Variants in SWT1 observed in about 807,000 individuals in gnomAD.
SWT1 encodes the protein SWT1 RNA endoribonuclease homolog.
In SWT1, 33 loss-of-function variants were observed where a neutral mutation model predicts 107.3. The ratio of observed to expected loss-of-function variants is 0.31; its 90% CI spans 0.23 to 0.41. SWT1 has a LOEUF of 0.41. Ranked by LOEUF, SWT1 falls within the 10% of genes least tolerant of loss-of-function variation. The probability of loss-of-function intolerance (pLI) is 1.00; values close to 1 mark genes in which losing one functional copy is unlikely to be tolerated. For synonymous variants in SWT1, 345 were observed against 348.3 expected (o/e 0.99, Z 0.11); for missense variants, 898 against 1,028.9 (o/e 0.87, Z 1.74).
At chr1:185,186,976 C>T (rs1300373358) in intron 9 of SWT1, among the ~76,000 whole-genome samples, 1 of 148,066 alleles carries the variant, frequency 6.8e-6, no homozygotes, top group African/African-American at 2.5e-5. Context: ...GCTGGTCTCT[C>T]ACTCCTGACC....
intron 13 of SWT1, among the ~76,000 whole-genome samples, chr1:185,211,071 T>C (rs981241895): frequency 5.3e-5 from 8 of 152,216 alleles, no homozygotes; most frequent in African/African-American, 1.9e-4. Flanking sequence ...AAACATTCCA[T>C]GCTCATGGAT....
At chr1:185,266,153 T>G (rs1373680178) in intron 16 of SWT1, among the ~76,000 whole-genome samples, 2 of 152,232 alleles carry the variant, frequency 1.3e-5, no homozygotes, top group Non-Finnish European at 2.9e-5. Context: ...AAGCTCCGCC[T>G]GCCGGGTTCA....
At chr1:185,202,543 T>A in intron 10 of SWT1, 111 bp from the exon 11 acceptor site, 1 of 856,410 alleles carries the variant, frequency 1.2e-6, no homozygotes. Flanking sequence ...TTTCTTAAGG[T>A]ATAGGCTGAG....
At chr1:185,206,809 G>C in intron 13 of SWT1, 46 bp downstream of exon 13, 1 of 1,322,784 alleles carries the variant, frequency 7.6e-7, no homozygotes, top group Non-Finnish European at 1.0e-6. Flanking sequence ...TATTAAGTCA[G>C]ACTAGCAGAT....
intron 3 of SWT1, among the ~76,000 whole-genome samples, chr1:185,167,789 T>C (rs977750041): frequency 6.6e-6 from 1 of 152,210 alleles, no homozygotes; most frequent in Non-Finnish European, 1.5e-5. Flanking sequence ...ATGCCTTCTT[T>C]TACTCGTCTT....
At chr1:185,233,978 T>C (rs1660683616) in intron 16 of SWT1, among the ~76,000 whole-genome samples, 1 of 152,112 alleles carries the variant, frequency 6.6e-6, no homozygotes, top group Non-Finnish European at 1.5e-5. Flanking sequence ...TCTCCTGACC[T>C]CATGATCCAC....
chr1:185,243,440 T>C (rs931809160), intron 16 of SWT1, among the ~76,000 whole-genome samples: 1 of 152,164 alleles, frequency 6.6e-6, no homozygotes, highest in Non-Finnish European at 1.5e-5. Flanking sequence ...TTGAGAAATA[T>C]ATTCTTGTGC....
At position 185,174,962 on chromosome 1, in the gene SWT1, G is replaced by A. The variant is rs999847734; in HGVS notation, c.815G>A (p.Ser272Asn). 6.2e-7 allele frequency: 1 copy of A among 1,613,748 alleles called. No homozygotes were observed. Among genetic ancestry groups the A allele is most frequent in the African/African-American group, 1.3e-5 (1 of 74,888 alleles). The change falls in exon 5 of 19, where the codon AGC becomes AAC. Residue 272 changes from serine to asparagine, a missense_variant. Physicochemically the swap from Ser to Asn is conservative, Grantham distance 46. Transcript: ENST00000367500. ...CAGGAAGAAAGAGAATACCTGGAAA[G>A]CTCCCAGGTTTCATTAAATGTGACT... ...TKQEEREYLE[S>N]SQVSLNVTRQ...
intron 10 of SWT1, among the ~76,000 whole-genome samples, chr1:185,199,727 G>T (rs948692844): frequency 3.9e-5 from 6 of 152,072 alleles, no homozygotes; most frequent in Non-Finnish European, 5.9e-5. Context: ...GTGTCTTGGG[G>T]TTGCTCTTCT....
At chr1:185,211,899 C>CT (rs969840961) in intron 13 of SWT1, among the ~76,000 whole-genome samples, 14 of 152,136 alleles carry the variant, frequency 9.2e-5, no homozygotes, top group Admixed American at 9.2e-4. Context: ...AGTTCATGTC[C>CT]TTTGTAGGGA....
chr1:185,246,622 G>GC (rs1661625889), intron 16 of SWT1, among the ~76,000 whole-genome samples: 1 of 87,314 alleles, frequency 1.1e-5, no homozygotes, highest in African/African-American at 5.2e-5. Flanking sequence ...ATTTTGGAGA[G>GC]CTTTTTTTTT....
chr1:185,190,430 A>G (rs1656858891), intron 9 of SWT1, 119 bp from the exon 10 acceptor site: 2 of 621,432 alleles, frequency 3.2e-6, no homozygotes, highest in South Asian at 4.0e-5. Context: ...TCATAGTATC[A>G]TACCTTAACT....
At chr1:185,206,601 A>G in intron 12 of SWT1, 24 bp from the exon 13 acceptor site, 1 of 1,400,324 alleles carries the variant, frequency 7.1e-7, no homozygotes, top group Non-Finnish European at 9.5e-7. Flanking sequence ...TAGAGATGTT[A>G]ATTTTTTTCT....
In SWT1 at chr1:185,246,623, C is replaced by CTTTTT. The variant is rs375322237; in HGVS notation, c.2441+14932_2441+14936dup. Among the ~76,000 whole-genome samples, 49 of 96,486 alleles carry CTTTTT rather than the reference C, an allele frequency of 5.1e-4. 2 individuals are homozygous for CTTTTT. In the East Asian group the frequency reaches 5.3e-3, roughly 10 times the overall value. 63.3% of individuals were successfully genotyped at this position (96,486 alleles called of 152,430 possible). A position where few individuals can be genotyped will look rare whatever the true frequency, so the allele number is the denominator to read the frequency against. ...TTAATTATGTTCATATTTTGGAGAG[C>CTTTTT]TTTTTTTTTTTTTTTTTTTTTAATA... On this transcript the variant is annotated intron_variant, in intron 16 of 18. Coordinates refer to ENST00000367500, the MANE Select transcript of SWT1 (RefSeq NM_017673.7).
At chr1:185,172,238 A>G (rs1345836688) in intron 4 of SWT1, among the ~76,000 whole-genome samples, 1 of 152,202 alleles carries the variant, frequency 6.6e-6, no homozygotes, top group Admixed American at 6.5e-5. Flanking sequence ...AGGAAAATAT[A>G]ATTATCACCT....
Position 185,168,420 on chromosome 1 carries a change from T to C in SWT1, c.224+22T>C, listed in dbSNP as rs548249433. On this transcript the variant is annotated intron_variant, in intron 4 of 18. Transcript: ENST00000367500. ...AAAGGTAAATTTCTCCTTTTTCTTTTTACTGTTTTGGTTTAGAATTATGAG... is the reference window on the plus strand; with the variant it reads ...AAAGGTAAATTTCTCCTTTTTCTTTCTACTGTTTTGGTTTAGAATTATGAG... 49 of 1,365,782 alleles carry C rather than the reference T, an allele frequency of 3.6e-5. No homozygotes were observed. In the African/African-American group the frequency reaches 7.1e-4, roughly 20 times the overall value. The allele number at this position is 1,365,782 out of a possible 1,614,324, so 84.6% of individuals were successfully genotyped here. A position where few individuals can be genotyped will look rare whatever the true frequency, so the allele number is the denominator to read the frequency against.
chr1:185,175,965 G>A (rs1017401605), intron 5 of SWT1, among the ~76,000 whole-genome samples: 3 of 152,080 alleles, frequency 2.0e-5, no homozygotes, highest in Admixed American at 6.5e-5. Flanking sequence ...ATATAGCTTT[G>A]GTACATCATG....
At chr1:185,257,156 G>A (rs1323818225) in intron 16 of SWT1, among the ~76,000 whole-genome samples, 6 of 152,248 alleles carry the variant, frequency 3.9e-5, no homozygotes, top group East Asian at 1.9e-4. Flanking sequence ...CTCCAGCTGT[G>A]TGCTGGGAGA....
chr1:185,198,938 ATT>A lies in SWT1; in HGVS notation c.1524-3699_1524-3698del, dbSNP rs58426812. Among the ~76,000 whole-genome samples the A allele has an allele frequency of 3.9e-3, 509 of 129,844 alleles. 18 individuals carry two copies. In the East Asian group the frequency reaches 0.094, roughly 24 times the overall value. The allele number at this position is 129,844 out of a possible 152,430, so 85.2% of individuals were successfully genotyped here. A position where few individuals can be genotyped will look rare whatever the true frequency, so the allele number is the denominator to read the frequency against. ...TAATTGGGGCATTTAGCTCGTTTACATTTTTTTTTTTTTTTTTTGAGACGAGT... is the reference window on the plus strand; with the variant it reads ...TAATTGGGGCATTTAGCTCGTTTACATTTTTTTTTTTTTTTTGAGACGAGT... On this transcript the variant is annotated intron_variant, in intron 10 of 18. Transcript: ENST00000367500.
Sources: allele counts gnomAD v4.1 joint callset (sites outside exome capture counted in the v4.1 genomes callset), GRCh38; gene constraint gnomAD v4.1.1; transcripts MANE v1.5; gene names NCBI Gene and HGNC (gene_info 2026-07-23, HGNC 2026-07-21).